Variants in BUB1 observed in about 807,000 individuals in gnomAD.
BUB1 encodes the protein BUB1 mitotic checkpoint serine/threonine kinase.
Under a neutral mutation model 135.2 loss-of-function variants are expected in BUB1, and 84 were observed. The ratio of observed to expected loss-of-function variants is 0.62; its 90% CI spans 0.52 to 0.74. The LOEUF (loss-of-function observed/expected upper bound fraction) is 0.74. Ranked by LOEUF, BUB1 falls within the 30% of genes least tolerant of loss-of-function variation. The pLI, the probability that BUB1 is intolerant of heterozygous loss-of-function variation, is 0.00. For missense variants in BUB1, 1,162 were observed against 1,288.3 expected (o/e 0.90, Z 1.50); for synonymous variants, 403 against 434.4 (o/e 0.93, Z 0.90).
chr2:110,637,834 A>C lies in BUB1; in HGVS notation c.*130T>G. ...TTGAAATATTTATAACAACTAAGTT[A>C]CATGGAAATATTCCATGGGATTTAT... On this transcript the variant is annotated 3_prime_UTR_variant, in exon 25 of 25. Coordinates refer to ENST00000302759, the MANE Select transcript of BUB1 (RefSeq NM_004336.5). 1 of 692,232 alleles carries C rather than the reference A, an allele frequency of 1.4e-6. No individual in the cohort carries two copies. Among genetic ancestry groups the C allele is most frequent in the Non-Finnish European group, 2.1e-6 (1 of 472,814 alleles). The allele number at this position is 692,232 out of a possible 1,614,324, so 42.9% of individuals were successfully genotyped here.
rs2104515978 is a variant in BUB1, at chr2:110,642,526, C to T, written c.2348-292G>A. ...CCACTTAGCCACTTCTGGACTGTGA[C>T]AGTTTCTCAGATGTTCCTTGTTTTT... On this transcript the variant is annotated intron_variant, in intron 19 of 24. Transcript: ENST00000302759. The T allele has an allele frequency of 1.6e-5, 3 of 182,688 alleles. 1 individual carries two copies. Among genetic ancestry groups the T allele is most frequent in the Middle Eastern group, 2.4e-3 (1 of 414 alleles). The allele number at this position is 182,688 out of a possible 1,614,324, so 11.3% of individuals were successfully genotyped here.
Position 110,661,814 on chromosome 2 carries a change from C to T in BUB1, c.985G>A (p.Val329Ile), listed in dbSNP as rs1559171432. 3 of 1,614,066 alleles carry T rather than the reference C, an allele frequency of 1.9e-6. No individual in the cohort carries two copies. The highest frequency in any genetic ancestry group is 1.7e-5 in the Admixed American group (1 of 60,002). Residue 329 changes from valine to isoleucine, a missense_variant, in exon 10 of 25, where the codon GTA becomes ATA. Transcript: ENST00000302759. The stretch of plus-strand genomic sequence containing the variant: ...GCTCTCAGTTCCTGCTGGGAGCCTA[C>T]ACTTGGCCCCATACGTGCTGGATTA... ...EVNPARMGPS[V>I]GSQQELRAPC...
intron 14 of BUB1, 64 bp from the exon 15 acceptor site, chr2:110,657,181 G>C (rs993026034): frequency 4.3e-6 from 6 of 1,406,166 alleles, no homozygotes; most frequent in Non-Finnish European, 4.0e-6. Flanking sequence ...GCTATCACTT[G>C]ACCATTAGAA....
At chr2:110,656,559 G>A (rs1689939434) in intron 15 of BUB1, among the ~76,000 whole-genome samples, 1 of 152,294 alleles carries the variant, frequency 6.6e-6, no homozygotes, top group South Asian at 2.1e-4. Flanking sequence ...AAGGATATCA[G>A]AGGTGAAATG....
chr2:110,650,593 T>G lies in BUB1; in HGVS notation c.2156A>C (p.Gln719Pro). ...EDPPDAIAGL[Q>P]AEWMQMSSLG... Reference sequence around the variant, plus strand: ...TGAACTCATCTGCATCCATTCTGCTTGGAGCCCAGCAATAGCATCTGGTGG... The same window carrying G: ...TGAACTCATCTGCATCCATTCTGCTGGGAGCCCAGCAATAGCATCTGGTGG... The change falls in exon 18 of 25, where the codon CAA becomes CCA. Residue 719 changes from glutamine to proline, a missense_variant. Transcript: ENST00000302759. 6.2e-7 allele frequency: 1 copy of G among 1,613,882 alleles called. No homozygotes were observed. The highest frequency in any genetic ancestry group is 8.5e-7 in the Non-Finnish European group (1 of 1,179,932).
chr2:110,674,066 T>C lies in BUB1; in HGVS notation c.225+20A>G, dbSNP rs1690504193. ...TACAACATGATTATAGATTTGATTA[T>C]ACATCTTAAGTATACTTACAAATTT... On this transcript the variant is annotated intron_variant, in intron 3 of 24. Transcript: ENST00000302759. 1.4e-6 allele frequency: 2 copies of C among 1,473,076 alleles called. No individual in the cohort carries two copies. Among genetic ancestry groups the C allele is most frequent in the South Asian group, 1.2e-5 (1 of 81,850 alleles). The allele number at this position is 1,473,076 out of a possible 1,614,324, so 91.3% of individuals were successfully genotyped here. A position where few individuals can be genotyped will look rare whatever the true frequency, so the allele number is the denominator to read the frequency against.
chr2:110,663,211 C>T (rs1043969452), intron 9 of BUB1, among the ~76,000 whole-genome samples: 20 of 151,244 alleles, frequency 1.3e-4, no homozygotes, highest in African/African-American at 4.6e-4. Flanking sequence ...ACCCAGGAAG[C>T]GGAGGTTGCA....
rs142271134 is a variant in BUB1, at chr2:110,649,378, C to G, written c.2204-1G>C. 6.8e-7 allele frequency: 1 copy of G among 1,460,254 alleles called. No homozygotes were observed. The highest frequency in any genetic ancestry group is 2.4e-5 in the Admixed American group (1 of 41,106). 90.5% of individuals were successfully genotyped at this position (1,460,254 alleles called of 1,614,324 possible). On this transcript the variant is annotated splice_acceptor_variant, in intron 18 of 24. Coordinates refer to ENST00000302759, the MANE Select transcript of BUB1 (RefSeq NM_004336.5). LOFTEE classifies it high-confidence loss of function. ...TCCCATGGGTTCCCAACAATGAAGTCTTAAAGGAATGAGAAAAAAAAAAAA... is the reference window on the plus strand; with the variant it reads ...TCCCATGGGTTCCCAACAATGAAGTGTTAAAGGAATGAGAAAAAAAAAAAA...
chr2:110,658,204 CT>C (rs79645151), intron 13 of BUB1, among the ~76,000 whole-genome samples: 3,389 of 144,096 alleles, frequency 0.024, 56 homozygotes, highest in African/African-American at 0.052. Flanking sequence ...TAGCACTATT[CT>C]TTTTTTTTTT....
intron 4 of BUB1, 146 bp downstream of exon 4, chr2:110,672,515 T>C: frequency 1.4e-6 from 1 of 734,242 alleles, no homozygotes; most frequent in Non-Finnish European, 2.0e-6. Context: ...TTCTGAGCAG[T>C]TTTTTTCTTT....
chr2:110,669,360 G>T, intron 6 of BUB1, 93 bp downstream of exon 6: 1 of 875,698 alleles, frequency 1.1e-6, no homozygotes. Context: ...AAAGATCAAA[G>T]AAATGAGATG....
rs888341586 is a variant in BUB1 at position 110,641,733 on chromosome 2, A to G, written c.2534T>C (p.Met845Thr). ...TQLMERLKPS[M>T]QHMFMKFYSA... ...ATAGAACTTCATAAACATGTGCTGC[A>G]TAGATGGCTTTAGTCTTTCCATCAA... Residue 845 changes from methionine to threonine, a missense_variant, in exon 21 of 25, where the codon ATG (methionine) becomes ACG (threonine). Coordinates refer to ENST00000302759, the MANE Select transcript of BUB1 (RefSeq NM_004336.5). 2 of 1,612,310 alleles carry G rather than the reference A, an allele frequency of 1.2e-6. No individual in the cohort carries two copies. The highest frequency in any genetic ancestry group is 1.3e-5 in the African/African-American group (1 of 74,942).
rs1448871670 is a variant in BUB1, at chr2:110,662,033, G to C, written c.958-192C>G. On this transcript the variant is annotated intron_variant, in intron 9 of 24. Coordinates refer to ENST00000302759, the MANE Select transcript of BUB1 (RefSeq NM_004336.5). Reference sequence around the variant, plus strand: ...AACAAAAAGACCACTCTACAAAATGGATGCTTTGTAGCTTCTGAACCACAG... The same window carrying C: ...AACAAAAAGACCACTCTACAAAATGCATGCTTTGTAGCTTCTGAACCACAG... 6.5e-6 allele frequency: 4 copies of C among 618,406 alleles called. No individual in the cohort carries two copies. In the South Asian group the frequency reaches 9.3e-5, roughly 14 times the overall value. The allele number at this position is 618,406 out of a possible 1,614,324, so 38.3% of individuals were successfully genotyped here. A position where few individuals can be genotyped will look rare whatever the true frequency, so the allele number is the denominator to read the frequency against.
chr2:110,647,724 A>G (rs1274940944), intron 19 of BUB1, among the ~76,000 whole-genome samples: 1 of 152,194 alleles, frequency 6.6e-6, no homozygotes, highest in Non-Finnish European at 1.5e-5. Flanking sequence ...CCAACCAACC[A>G]ATTAGAAAAT....
intron 2 of BUB1, 22 bp downstream of exon 2, chr2:110,674,284 A>G (rs367616695): frequency 3.2e-5 from 51 of 1,613,630 alleles, no homozygotes; most frequent in Non-Finnish European, 4.2e-6. Flanking sequence ...GTTTAAGGGA[A>G]ATAAAATAAC....
intron 19 of BUB1, among the ~76,000 whole-genome samples, chr2:110,643,888 G>A (rs1221243061): frequency 3.3e-5 from 5 of 151,674 alleles, no homozygotes; most frequent in Non-Finnish European, 7.4e-5. Flanking sequence ...GAAGAAATGG[G>A]TAATACAGGC....
Position 110,663,901 on chromosome 2 carries a change from C to A in BUB1, c.958-2060G>T, listed in dbSNP as rs369572923. On this transcript the variant is annotated intron_variant, in intron 9 of 24. Transcript: ENST00000302759. ...AAAATTAGCCAGGCATGGTGGCAGG[C>A]GCCTGTAGTCCCAGCTACTCAGGAG... Among the ~76,000 whole-genome samples the A allele has an allele frequency of 9.2e-3, 1,391 of 151,744 alleles. 21 individuals are homozygous for A. The highest frequency in any genetic ancestry group is 0.032 in the African/African-American group (1,321 of 41,354).
Position 110,670,472 on chromosome 2 carries a change from C to G in BUB1, c.466+53G>C. On this transcript the variant is annotated intron_variant, in intron 5 of 24. Coordinates refer to ENST00000302759, the MANE Select transcript of BUB1 (RefSeq NM_004336.5). ...TTTTAAAGAAAAGAAAATACTAGTA[C>G]AAATCCAAGACTAAATGGACAACAA... The G allele has an allele frequency of 8.8e-6, 14 of 1,594,952 alleles. No individual in the cohort carries two copies. In the South Asian group the frequency reaches 1.5e-4, roughly 18 times the overall value.
At chr2:110,654,437 C>T (rs892654920) in intron 16 of BUB1, among the ~76,000 whole-genome samples, 1 of 152,170 alleles carries the variant, frequency 6.6e-6, no homozygotes, top group Non-Finnish European at 1.5e-5. Flanking sequence ...TAATACTGCA[C>T]ACAGCCAAGT....
Sources: allele counts gnomAD v4.1 joint callset (sites outside exome capture counted in the v4.1 genomes callset), GRCh38; gene constraint gnomAD v4.1.1; transcripts MANE v1.5; gene names NCBI Gene and HGNC (gene_info 2026-07-23, HGNC 2026-07-21).